Variants in SP140L observed in about 807,000 individuals in gnomAD.
SP140L encodes SP140 like nuclear body protein.
SP140L carries 64 observed loss-of-function variants against 84.3 expected under a neutral mutation model. The observed-to-expected ratio is 0.76, with a 90% CI of 0.62 to 0.94. SP140L has a LOEUF of 0.94. Among genes scored for constraint, SP140L ranks in the 40% least tolerant of loss-of-function variants. SP140L has a pLI of 0.00. For missense variants in SP140L, 628 were observed against 692.5 expected (o/e 0.91, Z 1.05); for synonymous variants, 242 against 236.9 (o/e 1.02, Z -0.20).
At chr2:230,369,791 TGA>T (rs749483172) in intron 5 of SP140L, among the ~76,000 whole-genome samples, 14 of 152,214 alleles carry the variant, frequency 9.2e-5, no homozygotes, top group South Asian at 6.2e-4. Flanking sequence ...TTTTTGAGAC[TGA>T]GTCTCTCTCT....
rs530395976 is a variant in SP140L at position 230,355,129 on chromosome 2, G to T, written c.108-2676G>T. 3.4e-4 allele frequency among the ~76,000 whole-genome samples: 51 copies of T among 152,154 alleles called. 1 individual carries two copies. The South Asian group carries it at 0.01, about 30-fold the overall frequency. The stretch of plus-strand genomic sequence containing the variant: ...CCAGCGAAATAAGATCCAAAAAAAG[G>T]AAATAATTGTTATTTTGGGGAAAGA... On this transcript the variant is annotated intron_variant, in intron 2 of 18. Coordinates refer to ENST00000415673, the MANE Select transcript of SP140L (RefSeq NM_138402.6).
chr2:230,357,463 G>A, intron 2 of SP140L, among the ~76,000 whole-genome samples: 1 of 151,878 alleles, frequency 6.6e-6, no homozygotes, highest in Non-Finnish European at 1.5e-5. Context: ...ATTTCTCTGT[G>A]GATGACCTGC....
chr2:230,348,296 T>C (rs952886078), intron 2 of SP140L, among the ~76,000 whole-genome samples: 2 of 152,258 alleles, frequency 1.3e-5, no homozygotes, highest in African/African-American at 2.4e-5. Flanking sequence ...AGTAACGTGA[T>C]AGTTAACTTT....
intron 7 of SP140L, among the ~76,000 whole-genome samples, chr2:230,379,463 C>G (rs2061342118): frequency 6.6e-6 from 1 of 152,112 alleles, no homozygotes; most frequent in Admixed American, 6.6e-5. Flanking sequence ...TACCCCATCT[C>G]TACCATTTGG....
chr2:230,358,457 AT>A (rs1336511408), intron 3 of SP140L, among the ~76,000 whole-genome samples: 5 of 152,044 alleles, frequency 3.3e-5, no homozygotes, highest in Non-Finnish European at 7.4e-5. Flanking sequence ...ATATGAGTAA[AT>A]TCCACCCATA....
chr2:230,328,358 G>A (rs1432235072), intron 1 of SP140L, among the ~76,000 whole-genome samples: 1 of 152,164 alleles, frequency 6.6e-6, no homozygotes, highest in Non-Finnish European at 1.5e-5. Flanking sequence ...CGTGTATGAA[G>A]TATGTTTTTG....
intron 16 of SP140L, 92 bp from the exon 17 acceptor site, chr2:230,401,274 A>G: frequency 6.3e-7 from 1 of 1,599,794 alleles, no homozygotes; most frequent in South Asian, 1.1e-5. Flanking sequence ...GAGAAACTTG[A>G]GGAAGAAGGG....
intron 2 of SP140L, among the ~76,000 whole-genome samples, chr2:230,340,912 G>A (rs1383714451): frequency 6.8e-6 from 1 of 147,740 alleles, no homozygotes; most frequent in Non-Finnish European, 1.5e-5. Context: ...TTTCTCTCTG[G>A]CTGCCCTTAA....
intron 7 of SP140L, 68 bp from the exon 8 acceptor site, chr2:230,383,442 A>C: frequency 1.4e-6 from 2 of 1,477,974 alleles, no homozygotes; most frequent in Non-Finnish European, 1.8e-6. Context: ...GTATACTACT[A>C]GCATATAAAG....
chr2:230,390,205 G>A (rs191554660), intron 11 of SP140L, among the ~76,000 whole-genome samples, 182 bp downstream of exon 11: 1 of 152,280 alleles, frequency 6.6e-6, no homozygotes, highest in East Asian at 1.9e-4. Flanking sequence ...CCCATTAGAC[G>A]CTGACTCGCA....
intron 2 of SP140L, among the ~76,000 whole-genome samples, chr2:230,337,347 T>C (rs2059909292): frequency 6.6e-6 from 1 of 152,224 alleles, no homozygotes; most frequent in Non-Finnish European, 1.5e-5. Context: ...GGTTGTTTGT[T>C]TCTTTCTTGT....
rs770970963 is a variant in SP140L at position 230,396,718 on chromosome 2, A to G, written c.1156-39A>G. 3.7e-6 allele frequency: 6 copies of G among 1,605,840 alleles called. No individual in the cohort carries two copies. In the South Asian group the frequency reaches 6.6e-5, roughly 18 times the overall value. On this transcript the variant is annotated intron_variant, in intron 13 of 18. Transcript: ENST00000415673. ...AGTAAGTGATAGATGGAAACAATGCATTCAATATCATAAATCAATCTTTCT... is the reference window on the plus strand; with the variant it reads ...AGTAAGTGATAGATGGAAACAATGCGTTCAATATCATAAATCAATCTTTCT...
At chr2:230,332,876 T>G (rs1385239813) in intron 2 of SP140L, among the ~76,000 whole-genome samples, 2 of 152,232 alleles carry the variant, frequency 1.3e-5, no homozygotes, top group Non-Finnish European at 2.9e-5. Flanking sequence ...AGACTGACCT[T>G]CTGAAGCTAG....
At chr2:230,351,190 T>C (rs1021716982) in intron 2 of SP140L, among the ~76,000 whole-genome samples, 1 of 152,210 alleles carries the variant, frequency 6.6e-6, no homozygotes, top group Non-Finnish European at 1.5e-5. Context: ...TAGCGGATGT[T>C]GCCAAATCTT....
chr2:230,387,997 C>T (rs2061655790), intron 9 of SP140L, among the ~76,000 whole-genome samples: 1 of 152,188 alleles, frequency 6.6e-6, no homozygotes, highest in African/African-American at 2.4e-5. Flanking sequence ...GCATACATCT[C>T]ACCTATGGAG....
intron 14 of SP140L, among the ~76,000 whole-genome samples, chr2:230,398,609 G>A (rs1225119411): frequency 6.6e-6 from 1 of 152,252 alleles, no homozygotes. Context: ...CAAAGTGTGA[G>A]AGGGAAAAAG....
rs566459102 is a variant in SP140L at position 230,358,057 on chromosome 2, G to A, written c.270+90G>A. The A allele has an allele frequency of 8.1e-6, 12 of 1,473,462 alleles. No individual in the cohort carries two copies. The Admixed American group carries it at 2.1e-4, about 26-fold the overall frequency. 91.3% of individuals were successfully genotyped at this position (1,473,462 alleles called of 1,614,324 possible). On this transcript the variant is annotated intron_variant, in intron 3 of 18. Transcript: ENST00000415673. ...TGCTCCTGTAAAGTAGAAAAGGAGA[G>A]GAGAAGCAGAGGTCACCAGAGATGG... is the stretch of plus-strand genomic sequence containing the variant.
chr2:230,402,701 T>A (rs148910362), intron 18 of SP140L, 97 bp from the exon 19 acceptor site: 1 of 948,458 alleles, frequency 1.1e-6, no homozygotes, highest in African/African-American at 1.7e-5. Context: ...CAGTTTTTAT[T>A]TTTTAAAGAC....
chr2:230,400,254 G>T lies in SP140L; in HGVS notation c.1313+12G>T, dbSNP rs1344382377. On this transcript the variant is annotated intron_variant, in intron 15 of 18. Transcript: ENST00000415673. ...GTGGAAAGTGAGAAGTAAGTGACAT[G>T]CAGGCACCTCTCTTTCATCCTTTAA... The T allele has an allele frequency of 7.4e-6, 12 of 1,612,948 alleles. No homozygotes were observed. Among genetic ancestry groups the T allele is most frequent in the Admixed American group, 1.7e-5 (1 of 60,002 alleles).
Sources: allele counts gnomAD v4.1 joint callset (sites outside exome capture counted in the v4.1 genomes callset), GRCh38; gene constraint gnomAD v4.1.1; transcripts MANE v1.5; gene names NCBI Gene and HGNC (gene_info 2026-07-23, HGNC 2026-07-21).